The following ARHGAP15 variants were observed in gnomAD, a reference collection of about 807,000 sequenced individuals.
ARHGAP15 encodes rho GTPase-activating protein 15.
Under a neutral mutation model 63.7 loss-of-function variants are expected in ARHGAP15, and 51 were observed. The observed-to-expected ratio is 0.80, with a 90% CI of 0.64 to 1.01. The LOEUF (loss-of-function observed/expected upper bound fraction) is 1.01. Among genes scored for constraint, ARHGAP15 ranks in the 50% least tolerant of loss-of-function variants. The pLI is 0.00. For synonymous variants in ARHGAP15, 191 were observed against 193.8 expected (o/e 0.99, Z 0.12); for missense variants, 560 against 564.6 (o/e 0.99, Z 0.08).
At chr2:143,743,491 T>A (rs1574917998) in intron 13 of ARHGAP15, among the ~76,000 whole-genome samples, 1 of 152,184 alleles carries the variant, frequency 6.6e-6, no homozygotes, top group South Asian at 2.1e-4. Context: ...AGATGTTCTT[T>A]CCCTGCCTGT....
At chr2:143,667,582 TA>T (rs71338146) in intron 12 of ARHGAP15, among the ~76,000 whole-genome samples, 22,943 of 138,040 alleles carry the variant, frequency 0.17, 1,623 homozygotes, top group African/African-American at 0.28. Context: ...TAAAAAAAAT[TA>T]AAAAAAAAAA....
At chr2:143,611,056 A>G (rs569623626) in intron 11 of ARHGAP15, among the ~76,000 whole-genome samples, 1 of 151,934 alleles carries the variant, frequency 6.6e-6, no homozygotes, top group Non-Finnish European at 1.5e-5. Context: ...GACTAACACT[A>G]CTCCTCTAGA....
chr2:143,732,329 G>A (rs1685571584), intron 13 of ARHGAP15, among the ~76,000 whole-genome samples: 1 of 152,056 alleles, frequency 6.6e-6, no homozygotes, highest in African/African-American at 2.4e-5. Context: ...GCATGCATTT[G>A]GAATACTACC....
At chr2:143,493,293 C>T (rs1692668753) in intron 9 of ARHGAP15, among the ~76,000 whole-genome samples, 1 of 152,004 alleles carries the variant, frequency 6.6e-6, no homozygotes, top group Non-Finnish European at 1.5e-5. Flanking sequence ...ATGGCTTTTT[C>T]ATATTTTGGA....
Position 143,767,862 on chromosome 2 carries a change from A to G in ARHGAP15, c.1245-127A>G, listed in dbSNP as rs1188890606. 3 of 888,752 alleles carry G rather than the reference A, an allele frequency of 3.4e-6. No individual in the cohort carries two copies. The African/African-American group carries it at 5.0e-5, about 15-fold the overall frequency. 55.1% of individuals were successfully genotyped at this position (888,752 alleles called of 1,614,324 possible). A position where few individuals can be genotyped will look rare whatever the true frequency, so the allele number is the denominator to read the frequency against. ...TTCCATACAGTAAAGTATGTAGGGT[A>G]GAAGATTAAATAATGTTATAATGCA... On this transcript the variant is annotated intron_variant, in intron 13 of 13. Transcript: ENST00000295095.
intron 9 of ARHGAP15, among the ~76,000 whole-genome samples, chr2:143,517,189 C>T (rs1240734280): frequency 3.3e-5 from 5 of 152,220 alleles, no homozygotes; most frequent in Middle Eastern, 3.4e-3. Flanking sequence ...CCTCATGATC[C>T]GCCCACCTCA....
chr2:143,334,368 AT>A (rs917407689), intron 6 of ARHGAP15, among the ~76,000 whole-genome samples: 1 of 152,038 alleles, frequency 6.6e-6, no homozygotes, highest in African/African-American at 2.4e-5. Context: ...GATATACCTT[AT>A]TTTTTTCTAG....
At chr2:143,685,993 GTAT>G (rs1199966914) in intron 12 of ARHGAP15, among the ~76,000 whole-genome samples, 1 of 152,030 alleles carries the variant, frequency 6.6e-6, no homozygotes, top group East Asian at 1.9e-4. Context: ...TTTGTGTCCA[GTAT>G]TATTATTTTT....
chr2:143,734,506 TTG>T (rs1359083174), intron 13 of ARHGAP15, among the ~76,000 whole-genome samples: 2 of 152,178 alleles, frequency 1.3e-5, no homozygotes, highest in Admixed American at 1.3e-4. Context: ...TCGTAAAAAA[TTG>T]TGTTTTAAAA....
intron 1 of ARHGAP15, among the ~76,000 whole-genome samples, chr2:143,143,286 A>G (rs1055991254): frequency 3.3e-5 from 5 of 152,090 alleles, no homozygotes; most frequent in Admixed American, 2.6e-4. Flanking sequence ...AGGCATCAAG[A>G]GAACCTTCAG....
chr2:143,425,334 G>T (rs1368827791), intron 6 of ARHGAP15, among the ~76,000 whole-genome samples: 1 of 151,504 alleles, frequency 6.6e-6, no homozygotes, highest in African/African-American at 2.4e-5. Context: ...TTTCTGTTGT[G>T]CTCTCTTTAT....
At chr2:143,145,066 T>G (rs1043500772) in intron 1 of ARHGAP15, among the ~76,000 whole-genome samples, 8 of 152,064 alleles carry the variant, frequency 5.3e-5, no homozygotes, top group African/African-American at 1.7e-4. Flanking sequence ...TTTAATAAGC[T>G]CCACACATTG....
At chr2:143,572,669 T>C (rs1327441417) in intron 11 of ARHGAP15, among the ~76,000 whole-genome samples, 1 of 152,188 alleles carries the variant, frequency 6.6e-6, no homozygotes, top group Non-Finnish European at 1.5e-5. Flanking sequence ...AAGCCAGGCT[T>C]ACCTGGAATT....
intron 8 of ARHGAP15, among the ~76,000 whole-genome samples, chr2:143,439,422 C>CAAATAAAAAAAAAA (rs1689767510): frequency 3.2e-5 from 1 of 31,736 alleles, no homozygotes. Context: ...GACTCTGTCT[C>CAAATAAAAAAAAAA]AAAAAAAAAA....
At chr2:143,238,941 G>A (rs4371294) in intron 5 of ARHGAP15, among the ~76,000 whole-genome samples, 25,538 of 152,042 alleles carry the variant, frequency 0.17, 2,330 homozygotes, top group Middle Eastern at 0.24. Context: ...CTAACACAGG[G>A]ACAGAAAAAC....
intron 2 of ARHGAP15, among the ~76,000 whole-genome samples, chr2:143,180,835 G>A (rs747007946): frequency 2.2e-4 from 34 of 151,952 alleles, no homozygotes; most frequent in Non-Finnish European, 4.6e-4. Flanking sequence ...CAACACGCCA[G>A]GCTAATTTTT....
rs116426305 is a variant in ARHGAP15 at position 143,614,014 on chromosome 2, G to T, written c.1004-10119G>T. 6.3e-3 allele frequency among the ~76,000 whole-genome samples: 962 copies of T among 152,162 alleles called. 8 individuals carry two copies. Among genetic ancestry groups the T allele is most frequent in the Non-Finnish European group, 0.011 (716 of 68,014 alleles). On this transcript the variant is annotated intron_variant, in intron 11 of 13. Coordinates refer to ENST00000295095, the MANE Select transcript of ARHGAP15 (RefSeq NM_018460.4). ...CTGAGATATGGAATCTATGCCTCTA[G>T]GGTCTCCGACAACTTGTGGCATCCC...
intron 6 of ARHGAP15, among the ~76,000 whole-genome samples, chr2:143,382,206 G>A (rs907317376): frequency 2.4e-4 from 37 of 151,424 alleles, no homozygotes; most frequent in African/African-American, 8.7e-4. Flanking sequence ...AATATCCTAA[G>A]GCTACTGTAA....
At chr2:143,414,753 G>A (rs1379823398) in intron 6 of ARHGAP15, among the ~76,000 whole-genome samples, 4 of 152,132 alleles carry the variant, frequency 2.6e-5, no homozygotes, top group African/African-American at 9.7e-5. Context: ...GGCTAACATG[G>A]TAAAACCCTG....
Sources: allele counts gnomAD v4.1 joint callset (sites outside exome capture counted in the v4.1 genomes callset), GRCh38; gene constraint gnomAD v4.1.1; transcripts MANE v1.5; gene names NCBI Gene and HGNC (gene_info 2026-07-23, HGNC 2026-07-21).